Variants in USF2 observed in about 807,000 individuals in gnomAD.
USF2 encodes the protein upstream stimulatory factor 2.
Under a neutral mutation model 46.9 loss-of-function variants are expected in USF2, and 16 were observed. The observed-to-expected ratio is 0.34, with a 90% CI of 0.23 to 0.52. USF2 has a LOEUF of 0.52. USF2 is among the 20% of genes least tolerant of loss of function. USF2 has a pLI of 0.96. For missense variants in USF2, 411 were observed against 474.0 expected, an observed-to-expected ratio of 0.87 and a Z score of 1.23; for synonymous variants, 239 against 194.1, an observed-to-expected ratio of 1.23 and a Z score of -1.92.
At position 35,275,031 on chromosome 19, in the gene USF2, T is replaced by A. The variant is rs183218814; in HGVS notation, c.728-3667T>A. 3.9e-5 allele frequency: 6 copies of A among 152,342 alleles called. No homozygotes were observed. In the East Asian group the frequency reaches 1.2e-3, roughly 29 times the overall value. The allele number at this position is 152,342 out of a possible 1,614,324, so 9.4% of individuals were successfully genotyped here. ...TGATTTCTACTCTTAATGTTACTAA[T>A]TCATGCTTCTACTCACTTGGTTTTT... On this transcript the variant is annotated intron_variant, in intron 7 of 9. Coordinates refer to ENST00000222305, the MANE Select transcript of USF2 (RefSeq NM_003367.4).
At chr19:35,277,168 G>A (rs996439844) in intron 7 of USF2, 1 of 152,460 alleles carries the variant, frequency 6.6e-6, no homozygotes, top group Non-Finnish European at 1.5e-5. Context: ...AGGCGGGTGT[G>A]GTTGTCTTTG....
chr19:35,278,427 G>C, intron 7 of USF2: 2 of 443,286 alleles, frequency 4.5e-6, no homozygotes, highest in South Asian at 6.8e-5. Flanking sequence ...TGGTGGGGCA[G>C]GCCTGCAAAA....
chr19:35,271,254 C>T, intron 7 of USF2, 113 bp downstream of exon 7: 1 of 1,250,894 alleles, frequency 8.0e-7, no homozygotes, highest in Non-Finnish European at 1.1e-6. Context: ...GCCACAAGTG[C>T]TCCAGAGGGC....
intron 7 of USF2, chr19:35,274,952 C>CTT (rs35417075): frequency 0.38 from 58,397 of 151,946 alleles, 11,272 homozygotes; most frequent in African/African-American, 0.44. Flanking sequence ...GAAATCGAGA[C>CTT]TTATGTGAAA....
intron 7 of USF2, among the ~76,000 whole-genome samples, chr19:35,271,488 C>T (rs1282999090): frequency 6.6e-6 from 1 of 152,176 alleles, no homozygotes; most frequent in African/African-American, 2.4e-5. Context: ...GACCTTTCCA[C>T]GTGGCAGCTG....
chr19:35,269,705 C>T lies in USF2; in HGVS notation c.228+6C>T. ...CAGAGACAAATGGAGGACAGGTGAG[C>T]GGCGGGCCGCGAGGGCGAACGGGCG... On this transcript the variant is annotated splice_donor_region_variant and intron_variant, in intron 3 of 9. Coordinates refer to ENST00000222305, the MANE Select transcript of USF2 (RefSeq NM_003367.4). 2 of 537,012 alleles carry T rather than the reference C, an allele frequency of 3.7e-6. No homozygotes were observed. The highest frequency in any genetic ancestry group is 2.6e-5 in the South Asian group (1 of 38,614). 33.3% of individuals were successfully genotyped at this position (537,012 alleles called of 1,614,324 possible). A position where few individuals can be genotyped will look rare whatever the true frequency, so the allele number is the denominator to read the frequency against.
chr19:35,274,459 G>A (rs1389507320), intron 7 of USF2, among the ~76,000 whole-genome samples: 1 of 152,174 alleles, frequency 6.6e-6, no homozygotes, highest in African/African-American at 2.4e-5. Flanking sequence ...TCAAATGCCT[G>A]CAGGGGCCTG....
intron 1 of USF2, 88 bp downstream of exon 1, chr19:35,269,251 C>A: frequency 2.1e-6 from 2 of 959,358 alleles, no homozygotes; most frequent in Admixed American, 6.5e-5. Flanking sequence ...TGATCCCGAG[C>A]GGCCGCGGGC....
chr19:35,274,737 CAG>C (rs1310794704), intron 7 of USF2, among the ~76,000 whole-genome samples: 1 of 152,194 alleles, frequency 6.6e-6, no homozygotes, highest in Non-Finnish European at 1.5e-5. Context: ...GTCCGGGAGA[CAG>C]AGGTTGCAGT....
chr19:35,270,243 C>A, intron 4 of USF2: 1 of 927,914 alleles, frequency 1.1e-6, no homozygotes, highest in Non-Finnish European at 1.6e-6. Flanking sequence ...TCTTAGAGTG[C>A]GAAACGGATT....
chr19:35,276,639 T>G (rs2066237492), intron 7 of USF2, among the ~76,000 whole-genome samples: 2 of 152,052 alleles, frequency 1.3e-5, no homozygotes, highest in African/African-American at 4.8e-5. Flanking sequence ...CCTGAAATGG[T>G]TTTCAGGCCA....
At chr19:35,271,899 TG>T (rs993058567) in intron 7 of USF2, among the ~76,000 whole-genome samples, 5 of 151,926 alleles carry the variant, frequency 3.3e-5, no homozygotes, top group Non-Finnish European at 5.9e-5. Flanking sequence ...GGGACATTGA[TG>T]GGGGGTGGGC....
chr19:35,269,614 C>T lies in USF2; in HGVS notation c.143C>T (p.Ala48Val), dbSNP rs779933707. ...GGCCCAGGAGCGGAGGAGCAGACAGCGGTGGCCATCACCAGCGTCCAGCAG... is the reference window on the plus strand; with the variant it reads ...GGCCCAGGAGCGGAGGAGCAGACAGTGGTGGCCATCACCAGCGTCCAGCAG... The part of the protein sequence containing the change: ...GDGPGAEEQT[A>V]VAITSVQQAA... The change falls in exon 3 of 10, where the codon GCG becomes GTG. Residue 48 changes from alanine to valine, a missense_variant. Around this residue, in one of 2 missense-constraint regions of USF2, gnomAD observed 318 missense variants for 322.4 expected, o/e 0.99. Transcript: ENST00000222305. 1.3e-6 allele frequency: 2 copies of T among 1,596,642 alleles called. No homozygotes were observed. The highest frequency in any genetic ancestry group is 2.3e-5 in the East Asian group (1 of 43,846).
chr19:35,278,908 G>T (rs904255342), intron 8 of USF2, 38 bp from the exon 9 acceptor site: 2 of 1,574,998 alleles, frequency 1.3e-6, no homozygotes, highest in African/African-American at 1.4e-5. Flanking sequence ...CCGGTGGGCG[G>T]TGCCTGCCCT....
intron 7 of USF2, among the ~76,000 whole-genome samples, chr19:35,273,631 C>T (rs2066189945): frequency 6.6e-6 from 1 of 152,218 alleles, no homozygotes; most frequent in Admixed American, 6.5e-5. Context: ...AATCACAGCT[C>T]ACTGCAGCCT....
rs569973377 is a variant in USF2, at chr19:35,269,506, G to C, written c.109+14G>C. 44 of 1,544,946 alleles carry C rather than the reference G, an allele frequency of 2.8e-5. No homozygotes were observed. The highest frequency in any genetic ancestry group is 3.5e-5 in the Non-Finnish European group (40 of 1,150,598). ...AGCTGCAGGAAGGTGAGTGCTTGCC[G>C]GGCCGGCCGCGCCCGGGGAGGGCTG... On this transcript the variant is annotated intron_variant, in intron 2 of 9. Coordinates refer to ENST00000222305, the MANE Select transcript of USF2 (RefSeq NM_003367.4).
intron 6 of USF2, 65 bp downstream of exon 6, chr19:35,270,870 G>A: frequency 6.3e-7 from 1 of 1,595,560 alleles, no homozygotes; most frequent in Middle Eastern, 1.7e-4. Context: ...TTCTGGAGTA[G>A]AAGCTGGGCA....
intron 7 of USF2, chr19:35,275,763 C>T (rs563342272): frequency 1.3e-5 from 2 of 152,278 alleles, no homozygotes; most frequent in East Asian, 3.9e-4. Context: ...GGTCAGAGAA[C>T]ATACTCTGTA....
Position 35,269,426 on chromosome 19 carries a change from C to T in USF2, c.63-20C>T, listed in dbSNP as rs774314188. 1.5e-5 allele frequency: 22 copies of T among 1,486,616 alleles called. No homozygotes were observed. Among genetic ancestry groups the T allele is most frequent in the South Asian group, 1.4e-4 (11 of 78,838 alleles). The allele number at this position is 1,486,616 out of a possible 1,614,324, so 92.1% of individuals were successfully genotyped here. A position where few individuals can be genotyped will look rare whatever the true frequency, so the allele number is the denominator to read the frequency against. On this transcript the variant is annotated intron_variant, in intron 1 of 9. Transcript: ENST00000222305. ...GGGCGCGGGCCGCGCTGACCCTGCT[C>T]CCTCCTGTGCCCCTGGCAGCCACGA...
Sources: allele counts gnomAD v4.1 joint callset (sites outside exome capture counted in the v4.1 genomes callset), GRCh38; gene constraint gnomAD v4.1.1; regional missense constraint gnomAD v4.1.1; transcripts MANE v1.5; gene names NCBI Gene and HGNC (gene_info 2026-07-23, HGNC 2026-07-21).